DYNC2H1: variants seen among roughly 807,000 people sequenced by gnomAD.
DYNC2H1 encodes cytoplasmic dynein 2 heavy chain 1.
Under a neutral mutation model 570.0 loss-of-function variants are expected in DYNC2H1, and 410 were observed. The ratio of observed to expected loss-of-function variants is 0.72; its 90% CI spans 0.66 to 0.78. DYNC2H1 has a LOEUF of 0.78. DYNC2H1 is among the 30% of genes least tolerant of loss of function. The pLI is 0.00. For synonymous variants in DYNC2H1, 1,688 were observed against 1,677.6 expected (o/e 1.01, Z -0.15); for missense variants, 4,865 against 5,046.4 (o/e 0.96, Z 1.09).
chr11:103,219,933 A>C lies in DYNC2H1; in HGVS notation c.8851A>C (p.Thr2951Pro). ...CTTATAGGATGCTAGTGAGCAAAAA[A>C]CAGAACTTGAAAGACTGAAGCACAG... ...VSMQDASEQK[T>P]ELERLKHRIA... The change falls in exon 56 of 89, where the codon ACA becomes CCA. Residue 2951 changes from threonine (T) to proline (P), a missense_variant. This residue lies in a region of DYNC2H1 where 2,401 missense variants were observed against 2,454.6 expected (regional missense o/e 0.98). Transcript: ENST00000375735. The C allele has an allele frequency of 1.3e-6, 2 of 1,522,888 alleles. No individual in the cohort carries two copies. The highest frequency in any genetic ancestry group is 2.6e-5 in the South Asian group (2 of 76,790). 94.3% of individuals were successfully genotyped at this position (1,522,888 alleles called of 1,614,324 possible).
intron 87 of DYNC2H1, among the ~76,000 whole-genome samples, chr11:103,467,844 T>C (rs1422826946): frequency 6.6e-6 from 1 of 152,136 alleles, no homozygotes; most frequent in Non-Finnish European, 1.5e-5. Context: ...GCCGGCACTG[T>C]ACACTTTAAG....
At chr11:103,382,397 GC>G (rs1265411343) in intron 83 of DYNC2H1, among the ~76,000 whole-genome samples, 1 of 152,084 alleles carries the variant, frequency 6.6e-6, no homozygotes, top group Non-Finnish European at 1.5e-5. Context: ...ACTTGGAATA[GC>G]TTAATTTCTA....
At chr11:103,373,409 C>CT (rs1941260634) in intron 83 of DYNC2H1, among the ~76,000 whole-genome samples, 1 of 151,412 alleles carries the variant, frequency 6.6e-6, no homozygotes, top group South Asian at 2.1e-4. Flanking sequence ...TTTGAGTCTT[C>CT]TTTTTTTCTT....
At chr11:103,389,038 CCT>C (rs1395158927) in intron 83 of DYNC2H1, among the ~76,000 whole-genome samples, 1 of 152,100 alleles carries the variant, frequency 6.6e-6, no homozygotes, top group Non-Finnish European at 1.5e-5. Context: ...GGGAGGATTC[CCT>C]CTTTTTCTAT....
chr11:103,450,430 T>A (rs1944559888), intron 85 of DYNC2H1, among the ~76,000 whole-genome samples: 1 of 152,224 alleles, frequency 6.6e-6, no homozygotes, highest in Admixed American at 6.5e-5. Flanking sequence ...GTAGGTCACA[T>A]TCTGTGCCAT....
At chr11:103,351,167 G>T (rs1462098548) in intron 82 of DYNC2H1, among the ~76,000 whole-genome samples, 1 of 152,010 alleles carries the variant, frequency 6.6e-6, no homozygotes, top group Non-Finnish European at 1.5e-5. Flanking sequence ...GAGTTGACTG[G>T]GCTGGAAGGT....
At position 103,168,926 on chromosome 11, in the gene DYNC2H1, T is replaced by A. The variant is rs769719861; in HGVS notation, c.4934T>A (p.Val1645Glu). ...KSDHTCCVQM[V>E]DSEFQYTYEY... ...GATCATACATGTTGTGTTCAAATGG[T>A]GGATTCTGAATTTCAGTATACTTAT... The change falls in exon 32 of 89, where the codon GTG (valine) becomes GAG (glutamate). Residue 1645 changes from valine (V) to glutamate (E), a missense_variant. This residue lies in a region of DYNC2H1 where 1,936 missense variants were observed against 1,962.1 expected (regional missense o/e 0.99). Coordinates refer to ENST00000375735, the MANE Select transcript of DYNC2H1 (RefSeq NM_001377.3). 3.0e-5 allele frequency: 49 copies of A among 1,612,072 alleles called. No individual in the cohort carries two copies. The highest frequency in any genetic ancestry group is 3.8e-5 in the Non-Finnish European group (45 of 1,179,250).
chr11:103,188,685 A>G lies in DYNC2H1; in HGVS notation c.7292+37A>G, dbSNP rs772199174. 2.1e-5 allele frequency: 29 copies of G among 1,408,386 alleles called. No individual in the cohort carries two copies. In the Admixed American group the frequency reaches 6.7e-4, roughly 33 times the overall value. 87.2% of individuals were successfully genotyped at this position (1,408,386 alleles called of 1,614,324 possible). The stretch of plus-strand genomic sequence containing the variant: ...TGTGTTTCAGATTTTTTAATTTGGG[A>G]AGATATCATATATAAATGAATTTTA... On this transcript the variant is annotated intron_variant, in intron 44 of 88. Transcript: ENST00000375735.
chr11:103,133,069 A>AT lies in DYNC2H1; in HGVS notation c.1954-482dup, dbSNP rs376211217. ...CCCACTGAAACATTAGAAAGGGGTG[A>AT]TTTTCTCCTTGGTGTTAAGCTACAA... On this transcript the variant is annotated intron_variant, in intron 13 of 88. Coordinates refer to ENST00000375735, the MANE Select transcript of DYNC2H1 (RefSeq NM_001377.3). The surrounding 1 kb of genome is among the most constrained non-coding windows in gnomAD (Gnocchi z 4.8). Among the ~76,000 whole-genome samples the AT allele has an allele frequency of 1.7e-3, 255 of 152,154 alleles. 1 individual carries two copies. Among genetic ancestry groups the AT allele is most frequent in the Middle Eastern group, 0.014 (4 of 294 alleles).
intron 47 of DYNC2H1, among the ~76,000 whole-genome samples, chr11:103,195,104 T>C (rs1275214160): frequency 6.6e-6 from 1 of 152,204 alleles, no homozygotes; most frequent in Non-Finnish European, 1.5e-5. Flanking sequence ...AAATATATTC[T>C]CCCTCTCAGT....
chr11:103,471,514 G>A (rs1479603948), intron 88 of DYNC2H1, among the ~76,000 whole-genome samples: 1 of 152,200 alleles, frequency 6.6e-6, no homozygotes, highest in Non-Finnish European at 1.5e-5. Flanking sequence ...TAATGTTTCT[G>A]TAGGATCATG....
At position 103,168,049 on chromosome 11, in the gene DYNC2H1, A is replaced by G. The variant is rs757123196; in HGVS notation, c.4763-706A>G. 2.2e-3 allele frequency among the ~76,000 whole-genome samples: 333 copies of G among 152,206 alleles called. 3 individuals are homozygous for G. Among genetic ancestry groups the G allele is most frequent in the Non-Finnish European group, 2.5e-3 (172 of 68,002 alleles). ...TTCTCCATGATCTTCCCAGCATTTT[A>G]TGGTTCCCTCAGCCTTCTGTTTTGT... On this transcript the variant is annotated intron_variant, in intron 31 of 88. Coordinates refer to ENST00000375735, the MANE Select transcript of DYNC2H1 (RefSeq NM_001377.3).
intron 70 of DYNC2H1, among the ~76,000 whole-genome samples, chr11:103,279,348 T>C (rs905686034): frequency 2.6e-5 from 4 of 152,326 alleles, no homozygotes; most frequent in African/African-American, 4.8e-5. Flanking sequence ...TTCAGTTCTT[T>C]GTAAATATAT....
intron 12 of DYNC2H1, 70 bp downstream of exon 12, chr11:103,125,365 GC>G: frequency 2.5e-5 from 24 of 957,780 alleles, no homozygotes; most frequent in South Asian, 9.3e-5. Context: ...TATGCTAAAG[GC>G]TTTTTTTTTT....
At position 103,465,285 on chromosome 11, in the gene DYNC2H1, T is replaced by C. The variant is rs1415639300; in HGVS notation, c.12649-3304T>C. The stretch of plus-strand genomic sequence containing the variant: ...TGTTACTTAAAGATATACATTTCAG[T>C]CGTGATCACGCAGATAATTTGAGAA... On this transcript the variant is annotated intron_variant, in intron 87 of 88. Transcript: ENST00000375735. The surrounding 1 kb of genome is among the most constrained non-coding windows in gnomAD (Gnocchi z 4.9). Among the ~76,000 whole-genome samples, 1 of 152,138 alleles carries C rather than the reference T, an allele frequency of 6.6e-6. No individual in the cohort carries two copies. Among genetic ancestry groups the C allele is most frequent in the Non-Finnish European group, 1.5e-5 (1 of 68,028 alleles).
At chr11:103,302,949 T>A in intron 75 of DYNC2H1, 144 bp from the exon 76 acceptor site, 1 of 547,410 alleles carries the variant, frequency 1.8e-6, no homozygotes, top group African/African-American at 2.0e-5. Context: ...ACTAGTATAT[T>A]ATTTTAGAGT....
rs1862724816 is a variant in DYNC2H1 at position 103,201,673 on chromosome 11, T to G, written c.8197+1519T>G. On this transcript the variant is annotated intron_variant, in intron 50 of 88. Coordinates refer to ENST00000375735, the MANE Select transcript of DYNC2H1 (RefSeq NM_001377.3). The surrounding 1 kb of genome is among the most constrained non-coding windows in gnomAD (Gnocchi z 4.8). ...TCCTGTGGCTCTGTCCCCAGCAAAC[T>G]GTGGTACTCTCCTGCTGTCTGTGGT... 6.6e-6 allele frequency among the ~76,000 whole-genome samples: 1 copy of G among 152,160 alleles called. No homozygotes were observed. Among genetic ancestry groups the G allele is most frequent in the South Asian group, 2.1e-4 (1 of 4,830 alleles).
chr11:103,166,174 A>G (rs1861296258), intron 31 of DYNC2H1, 126 bp downstream of exon 31: 6 of 674,084 alleles, frequency 8.9e-6, no homozygotes, highest in South Asian at 5.2e-5. Context: ...TACAACATAT[A>G]TACTTAAATT....
rs113286093 is a variant in DYNC2H1 at position 103,472,319 on chromosome 11, G to T, written c.12765+3614G>T. ...GCAGGAGAATCACTTGAGCCCAGGAGTTAGAGCCTGGCTTGGGCAACATAG... is the reference window on the plus strand; with the variant it reads ...GCAGGAGAATCACTTGAGCCCAGGATTTAGAGCCTGGCTTGGGCAACATAG... On this transcript the variant is annotated intron_variant, in intron 88 of 88. Transcript: ENST00000375735. The surrounding 1 kb of genome is among the most constrained non-coding windows in gnomAD (Gnocchi z 4.1). Among the ~76,000 whole-genome samples the T allele has an allele frequency of 1.3e-5, 2 of 152,000 alleles. No individual in the cohort carries two copies. Among genetic ancestry groups the T allele is most frequent in the Admixed American group, 1.3e-4 (2 of 15,268 alleles).
Sources: gnomAD v4.1 joint callset for allele counts (sites outside exome capture counted in the v4.1 genomes callset) on GRCh38, gnomAD v4.1.1 for gene constraint, gnomAD v4.1.1 regional missense constraint, Gnocchi (gnomAD v3.1) non-coding constraint, MANE v1.5 for transcripts, NCBI Gene and HGNC (gene_info 2026-07-23, HGNC 2026-07-21) for gene names.